YAE1: variants seen among roughly 807,000 people sequenced by gnomAD.
YAE1 encodes protein YAE1 homolog.
Under a neutral mutation model 23.0 loss-of-function variants are expected in YAE1, and 22 were observed. The observed-to-expected ratio is 0.96, with a 90% CI of 0.68 to 1.37. The LOEUF (loss-of-function observed/expected upper bound fraction) is 1.37, where lower values mean the gene tolerates loss of function less well. YAE1 is among the 40% of genes most tolerant of loss of function. The pLI, the probability that YAE1 is intolerant of heterozygous loss-of-function variation, is 0.00. For synonymous variants in YAE1, 101 were observed against 97.0 expected, an observed-to-expected ratio of 1.04 and a Z score of -0.24; for missense variants, 260 against 262.1, an observed-to-expected ratio of 0.99 and a Z score of 0.06.
intron 2 of YAE1, among the ~76,000 whole-genome samples, chr7:39,596,383 G>A (rs1379697902): frequency 6.6e-6 from 1 of 151,556 alleles, no homozygotes; most frequent in Non-Finnish European, 1.5e-5. Flanking sequence ...GATTACAGGC[G>A]CCCGTCACCA....
chr7:39,578,556 C>T (rs1583672132), intron 2 of YAE1, among the ~76,000 whole-genome samples: 1 of 152,128 alleles, frequency 6.6e-6, no homozygotes, highest in Non-Finnish European at 1.5e-5. Flanking sequence ...AGCGAGACCA[C>T]GAACCCATTG....
At chr7:39,569,717 C>A in intron 1 of YAE1, 1 of 725,304 alleles carries the variant, frequency 1.4e-6, no homozygotes, top group South Asian at 1.4e-5. Context: ...AAGTCCTGAT[C>A]CACGTAGATA....
At chr7:39,600,437 G>A (rs1049329157) in intron 2 of YAE1, among the ~76,000 whole-genome samples, 9 of 151,590 alleles carry the variant, frequency 5.9e-5, no homozygotes, top group South Asian at 2.1e-4. Context: ...TCCCTCTGTC[G>A]TCCAGGCTGG....
At chr7:39,601,062 G>A (rs762618624) in intron 2 of YAE1, among the ~76,000 whole-genome samples, 1 of 152,184 alleles carries the variant, frequency 6.6e-6, no homozygotes, top group South Asian at 2.1e-4. Context: ...AATCTAGTCT[G>A]AAAGAGAAGA....
chr7:39,570,571 T>C lies in YAE1; in HGVS notation c.195T>C (p.Gly65=). 1.9e-6 allele frequency: 3 copies of C among 1,611,184 alleles called. No homozygotes were observed. The highest frequency in any genetic ancestry group is 2.5e-6 in the Non-Finnish European group (3 of 1,179,548). Residue 65 remains glycine (G), a synonymous_variant, in exon 2 of 3, where the codon GGT becomes GGC. Transcript: ENST00000223273. ...CTCTTCAACAGGGCTTCAATCAAGGTTATAAGAAAGGTGCAGAAGTCATTT... is the reference window on the plus strand; with the variant it reads ...CTCTTCAACAGGGCTTCAATCAAGGCTATAAGAAAGGTGCAGAAGTCATTT... ...AVTLQQGFNQ[G]YKKGAEVILN...
chr7:39,575,813 G>A (rs1047722541), downstream of YAE1, among the ~76,000 whole-genome samples: 1 of 152,124 alleles, frequency 6.6e-6, no homozygotes, highest in African/African-American at 2.4e-5. Flanking sequence ...TAAAGTCACT[G>A]ATAGCCAGTC....
At chr7:39,597,252 A>T (rs1790989039) in intron 2 of YAE1, among the ~76,000 whole-genome samples, 1 of 152,202 alleles carries the variant, frequency 6.6e-6, no homozygotes, top group African/African-American at 2.4e-5. Context: ...TTTCTCTCTC[A>T]GAGTCTTGTG....
chr7:39,608,334 T>C (rs147115511), intron 2 of YAE1, among the ~76,000 whole-genome samples: 3 of 152,282 alleles, frequency 2.0e-5, no homozygotes, highest in Non-Finnish European at 4.4e-5. Flanking sequence ...GGCAAAGTTC[T>C]TGGGAATACA....
chr7:39,578,536 T>G (rs1184792030), intron 2 of YAE1, among the ~76,000 whole-genome samples: 1 of 152,188 alleles, frequency 6.6e-6, no homozygotes, highest in Non-Finnish European at 1.5e-5. Context: ...GCAGCTTCGC[T>G]CCTGAGGCCA....
chr7:39,581,711 A>G (rs1357887888), intron 2 of YAE1, among the ~76,000 whole-genome samples: 1 of 151,580 alleles, frequency 6.6e-6, no homozygotes, highest in African/African-American at 2.4e-5. Context: ...ATCTCTACAA[A>G]AAATACAAAA....
rs77916887 is a variant in YAE1 at position 39,569,788 on chromosome 7, C to T, written c.130-718C>T. The T allele has an allele frequency of 0.015, 11,119 of 763,998 alleles. 820 individuals carry two copies. In the African/African-American group the frequency reaches 0.16, roughly 11 times the overall value. The allele number at this position is 763,998 out of a possible 1,614,324, so 47.3% of individuals were successfully genotyped here. ...GAACCTGAAACAAACCATGATGAAACGGGTTCAATACTCTTCCACTCTTTA... is the reference window on the plus strand; with the variant it reads ...GAACCTGAAACAAACCATGATGAAATGGGTTCAATACTCTTCCACTCTTTA... On this transcript the variant is annotated intron_variant, in intron 1 of 2. Transcript: ENST00000223273.
intron 2 of YAE1, among the ~76,000 whole-genome samples, chr7:39,581,508 A>G (rs1189243925): frequency 6.6e-6 from 1 of 152,210 alleles, no homozygotes; most frequent in African/African-American, 2.4e-5. Context: ...TTCCAAAATC[A>G]GATTCTGAAA....
downstream of YAE1, chr7:39,610,358 T>C: frequency 2.1e-6 from 1 of 468,726 alleles, no homozygotes; most frequent in Non-Finnish European, 4.2e-6. Flanking sequence ...CTGTTTGATA[T>C]CACATTTCAG....
chr7:39,573,681 G>T (rs551177305), downstream of YAE1, among the ~76,000 whole-genome samples: 1 of 152,216 alleles, frequency 6.6e-6, no homozygotes, highest in Non-Finnish European at 1.5e-5. Context: ...TAAGCTGAAA[G>T]ACAGGCATAT....
chr7:39,570,674 C>A, intron 2 of YAE1, 47 bp downstream of exon 2: 1 of 1,547,314 alleles, frequency 6.5e-7, no homozygotes. Context: ...CTCAATACTA[C>A]TGGAGGATGT....
intron 2 of YAE1, among the ~76,000 whole-genome samples, chr7:39,595,835 A>T (rs1790965071): frequency 6.6e-6 from 1 of 152,230 alleles, no homozygotes; most frequent in African/African-American, 2.4e-5. Flanking sequence ...TCAGCACTCA[A>T]GGAACTCATT....
At chr7:39,597,503 G>A (rs1050097490) in intron 2 of YAE1, among the ~76,000 whole-genome samples, 1 of 152,162 alleles carries the variant, frequency 6.6e-6, no homozygotes, top group Non-Finnish European at 1.5e-5. Context: ...CTGATAATTC[G>A]CTGGTCTCAG....
At chr7:39,577,012 A>G (rs1402645129), downstream of YAE1, among the ~76,000 whole-genome samples, 1 of 152,086 alleles carries the variant, frequency 6.6e-6, no homozygotes, top group Non-Finnish European at 1.5e-5. Flanking sequence ...CTCCTGCTTC[A>G]GCCTCCTAAG....
At chr7:39,605,795 AG>A in intron 2 of YAE1, among the ~76,000 whole-genome samples, 1 of 152,140 alleles carries the variant, frequency 6.6e-6, no homozygotes, top group Non-Finnish European at 1.5e-5. Flanking sequence ...CTTCTCCCAA[AG>A]CAAGTTCTTT....
Sources: gnomAD v4.1 joint callset for allele counts (sites outside exome capture counted in the v4.1 genomes callset) on GRCh38, gnomAD v4.1.1 for gene constraint, MANE v1.5 for transcripts, NCBI Gene and HGNC (gene_info 2026-07-23, HGNC 2026-07-21) for gene names.